Variants in MST1R observed in about 807,000 individuals in gnomAD.
MST1R encodes macrophage stimulating 1 receptor.
In MST1R, 99 loss-of-function variants were observed where a neutral mutation model predicts 117.8. The ratio of observed to expected loss-of-function variants is 0.84; its 90% CI spans 0.71 to 0.99. MST1R has a LOEUF of 0.99. Ranked by LOEUF, MST1R falls within the 50% of genes least tolerant of loss-of-function variation. MST1R has a pLI of 0.00. For synonymous variants in MST1R, 734 were observed against 765.3 expected, an observed-to-expected ratio of 0.96 and a Z score of 0.68; for missense variants, 1,683 against 1,840.2, an observed-to-expected ratio of 0.91 and a Z score of 1.56.
Position 49,890,050 on chromosome 3 carries a change from C to A in MST1R, c.3821G>T (p.Gly1274Val). 1 of 1,604,772 alleles carries A rather than the reference C, an allele frequency of 6.2e-7. No individual in the cohort carries two copies. The change falls in exon 19 of 20, where the codon GGT becomes GTT. Residue 1274 changes from glycine to valine, a missense_variant. Physicochemically the swap from Gly to Val is moderately radical, Grantham distance 109 (BLOSUM62 -3). Coordinates refer to ENST00000296474, the MANE Select transcript of MST1R (RefSeq NM_002447.4). ...FTTKSDVWSFGVLLWELLTRG... is the reference protein window; with the variant it reads ...FTTKSDVWSFVVLLWELLTRG... ...TGTCAGCAGTTCCCACAGCAGCACA[C>A]CAAATGACCACTGTGGAAAGGGGGA... is the stretch of plus-strand genomic sequence containing the variant.
chr3:49,902,133 G>C (rs1007421168), intron 1 of MST1R, among the ~76,000 whole-genome samples: 2 of 152,032 alleles, frequency 1.3e-5, no homozygotes, highest in Admixed American at 6.6e-5. Flanking sequence ...GGCCATGATG[G>C]GCAGGTAGGG....
intron 17 of MST1R, among the ~76,000 whole-genome samples, 154 bp from the exon 18 acceptor site, chr3:49,890,804 C>T (rs942928666): frequency 6.6e-6 from 1 of 152,098 alleles, no homozygotes; most frequent in Non-Finnish European, 1.5e-5. Flanking sequence ...CCGCTCACTG[C>T]AAGCTCTGCC....
chr3:49,888,601 C>CAA (rs146209932), intron 19 of MST1R, among the ~76,000 whole-genome samples: 272 of 131,570 alleles, frequency 2.1e-3, no homozygotes, highest in African/African-American at 5.0e-3. Flanking sequence ...GACTCTGTCT[C>CAA]AAAAAAAAAA....
rs766366511 is a variant in MST1R at position 49,896,362 on chromosome 3, C to T, written c.2482G>A (p.Glu828Lys). 2.5e-6 allele frequency: 4 copies of T among 1,613,850 alleles called. No homozygotes were observed. The East Asian group carries it at 8.9e-5, about 36-fold the overall frequency. Residue 828 changes from glutamate to lysine, a missense_variant, in exon 10 of 20, where the codon GAA becomes AAA. By Grantham distance (56) the Glu-to-Lys change is moderately conservative. Coordinates refer to ENST00000296474, the MANE Select transcript of MST1R (RefSeq NM_002447.4). ...LPEQQLCRLP[E>K]YVVRDPQGWV... is the part of the protein sequence containing the mutation. The stretch of plus-strand genomic sequence containing the variant: ...CCCTGGGGGTCTCGGACCACATATT[C>T]AGGAAGGCGGCACAGCTGCTGCTCT...
At chr3:49,888,361 G>A (rs1473864381) in intron 19 of MST1R, among the ~76,000 whole-genome samples, 3 of 151,706 alleles carry the variant, frequency 2.0e-5, no homozygotes, top group African/African-American at 4.8e-5. Flanking sequence ...GCGTGAACCC[G>A]GGAGGCGGAG....
At chr3:49,891,665 T>C (rs2082320212) in intron 15 of MST1R, 85 bp from the exon 16 acceptor site, 2 of 1,608,180 alleles carry the variant, frequency 1.2e-6, no homozygotes, top group Non-Finnish European at 1.7e-6. Flanking sequence ...GGTCTCCTGC[T>C]CAGGGTCACT....
Position 49,902,881 on chromosome 3 carries a change from G to C in MST1R, c.729C>G (p.Val243=). ...VALSVLPKHL[V]SYSIEYVHSF... is the part of the protein sequence containing the mutation. Reference sequence around the variant, plus strand: ...TGTGCACGTATTCAATACTGTAGGAGACAAGATGCTTGGGCAGCACTGACA... The same window carrying C: ...TGTGCACGTATTCAATACTGTAGGACACAAGATGCTTGGGCAGCACTGACA... The change falls in exon 1 of 20, where the codon GTC becomes GTG. Residue 243 remains valine, a synonymous_variant. Transcript: ENST00000296474. 2.5e-6 allele frequency: 4 copies of C among 1,613,584 alleles called. No homozygotes were observed. Among genetic ancestry groups the C allele is most frequent in the Non-Finnish European group, 3.4e-6 (4 of 1,180,046 alleles).
rs1387025479 is a variant in MST1R at position 49,896,397 on chromosome 3, C to T, written c.2447G>A (p.Arg816Lys). ...GCACAGCTGCTGCTCTGGAAGCTGC[C>T]TCTCACACTGCTGGGACCAATATGA... ...GLRAVESRCE[R>K]QLPEQQLCRL... The change falls in exon 10 of 20, where the codon AGG (arginine) becomes AAG (lysine). Residue 816 changes from arginine to lysine, a missense_variant. Arg to Lys is a conservative substitution (Grantham distance 26, BLOSUM62 2). Transcript: ENST00000296474. The T allele has an allele frequency of 6.2e-7, 1 of 1,613,008 alleles. No homozygotes were observed. Among genetic ancestry groups the T allele is most frequent in the African/African-American group, 1.3e-5 (1 of 74,916 alleles).
In MST1R at chr3:49,891,272, A is replaced by G; in HGVS notation, c.3569T>C (p.Leu1190Pro). ...PTVKDLISFG[L>P]QVARGMEYLA... ...GTACTCCATGCCGCGGGCTACCTGC[A>G]GGCCAAAGCTGATGAGGTCCTTCAC... The change falls in exon 17 of 20, where the codon CTG becomes CCG. Residue 1190 changes from leucine (L) to proline (P), a missense_variant. Coordinates refer to ENST00000296474, the MANE Select transcript of MST1R (RefSeq NM_002447.4). 6.2e-7 allele frequency: 1 copy of G among 1,614,136 alleles called. No homozygotes were observed.
intron 17 of MST1R, 68 bp downstream of exon 17, chr3:49,891,129 C>T (rs1185818456): frequency 1.1e-5 from 16 of 1,402,484 alleles, no homozygotes; most frequent in South Asian, 3.5e-5. Context: ...TTCCCTGAGG[C>T]GGCCTTGAGC....
At position 49,887,354 on chromosome 3, in the gene MST1R, T is replaced by C. The variant is rs775685029; in HGVS notation, c.4156A>G (p.Asn1386Asp). The C allele has an allele frequency of 6.2e-7, 1 of 1,614,212 alleles. No individual in the cohort carries two copies. The highest frequency in any genetic ancestry group is 8.5e-7 in the Non-Finnish European group (1 of 1,180,032). The change falls in exon 20 of 20, where the codon AAT (asparagine) becomes GAT (aspartate). Residue 1386 changes from asparagine to aspartate, a missense_variant. By Grantham distance (23) the Asn-to-Asp change is conservative (BLOSUM62 1). Transcript: ENST00000296474. ...EQPQFSPMPG[N>D]VRRPRPLSEP... ...GAGAGTGGCCGGGGCCGGCGTACAT[T>C]CCCTGGCATGGGTGAGAACTGCGGC...
Position 49,895,698 on chromosome 3 carries a change from A to G in MST1R, c.2962+17T>C. 1 of 1,612,126 alleles carries G rather than the reference A, an allele frequency of 6.2e-7. No individual in the cohort carries two copies. Among genetic ancestry groups the G allele is most frequent in the Non-Finnish European group, 8.5e-7 (1 of 1,179,942 alleles). On this transcript the variant is annotated intron_variant, in intron 12 of 19. Transcript: ENST00000296474. ...TTGGGGGTAGGGGCTGATTAAAGGT[A>G]GGAGCAGAGAACTCACCTAGCTGCT...
chr3:49,888,308 C>T (rs11714324), intron 19 of MST1R, among the ~76,000 whole-genome samples: 18,744 of 151,976 alleles, frequency 0.12, 1,447 homozygotes, highest in Non-Finnish European at 0.18. Context: ...TCGTGGCAGG[C>T]GCCTGTAGTC....
At chr3:49,895,023 G>A in intron 14 of MST1R, 144 bp downstream of exon 14, 1 of 788,598 alleles carries the variant, frequency 1.3e-6, no homozygotes, top group South Asian at 1.6e-5. Flanking sequence ...GTGTTAGCCA[G>A]GACGGTCTCG....
intron 1 of MST1R, among the ~76,000 whole-genome samples, chr3:49,900,143 C>T (rs1385561310): frequency 6.6e-6 from 1 of 152,204 alleles, no homozygotes; most frequent in Non-Finnish European, 1.5e-5. Context: ...TCCCTAGACT[C>T]CAAAGGTCTG....
chr3:49,902,818 T>G lies in MST1R; in HGVS notation c.792A>C (p.Val264=), dbSNP rs200272478. 3 of 1,613,826 alleles carry G rather than the reference T, an allele frequency of 1.9e-6. No individual in the cohort carries two copies. The highest frequency in any genetic ancestry group is 2.5e-6 in the Non-Finnish European group (3 of 1,180,048). The change falls in exon 1 of 20, where the codon GTA becomes GTC. Residue 264 remains valine (V), a synonymous_variant. Coordinates refer to ENST00000296474, the MANE Select transcript of MST1R (RefSeq NM_002447.4). ...GATCATCTGTCACGCTGGCCGGCTG[T>G]ACAGTCAGGAAGTATACGAAGGCTC... ...HTGAFVYFLT[V]QPASVTDDPS... is the part of the protein sequence containing the mutation.
In MST1R at chr3:49,891,490, C is replaced by A. The variant is rs746154011; in HGVS notation, c.3443G>T (p.Gly1148Val). Residue 1148 changes from glycine to valine, a missense_variant, in exon 16 of 20, where the codon GGT (glycine) becomes GTT (valine). Gly to Val is a moderately radical substitution (Grantham distance 109, BLOSUM62 -3). Coordinates refer to ENST00000296474, the MANE Select transcript of MST1R (RefSeq NM_002447.4). ...CAGGCCCTCAGGTGGCAACATGATA[C>A]CAATGAGAGCCAGCACATTCGGGTG... ...LNHPNVLALI[G>V]IMLPPEGLPH... The A allele has an allele frequency of 6.2e-7, 1 of 1,613,912 alleles. No homozygotes were observed.
rs764747377 is a variant in MST1R, at chr3:49,895,515, A to G, written c.2996T>C (p.Leu999Pro). 5 of 1,614,050 alleles carry G rather than the reference A, an allele frequency of 3.1e-6. No individual in the cohort carries two copies. ...LPPNLNDLAS[L>P]DQTAGATPLP... ...GGGTGTGGCTCCAGCAGTCTGGTCC[A>G]GGGATGCCAGGTCATTCAGGTTGGG... Residue 999 changes from leucine to proline, a missense_variant, in exon 13 of 20, where the codon CTG becomes CCG. Coordinates refer to ENST00000296474, the MANE Select transcript of MST1R (RefSeq NM_002447.4).
At chr3:49,889,134 G>A (rs1270833974) in intron 19 of MST1R, among the ~76,000 whole-genome samples, 1 of 152,198 alleles carries the variant, frequency 6.6e-6, no homozygotes, top group Non-Finnish European at 1.5e-5. Context: ...GGGATGGGCT[G>A]CAGTTTCTGT....
Sources: gnomAD v4.1 joint callset for allele counts (sites outside exome capture counted in the v4.1 genomes callset) on GRCh38, gnomAD v4.1.1 for gene constraint, MANE v1.5 for transcripts, NCBI Gene and HGNC (gene_info 2026-07-23, HGNC 2026-07-21) for gene names.